Variants in R3HDM1 observed in about 807,000 individuals in gnomAD.
R3HDM1 encodes the protein R3H domain containing 1.
A neutral mutation model predicts 141.1 loss-of-function variants in R3HDM1; 46 were observed. The observed-to-expected ratio is 0.33, with a 90% CI of 0.26 to 0.42. The LOEUF (loss-of-function observed/expected upper bound fraction) is 0.42. Ranked by LOEUF, R3HDM1 falls within the 10% of genes least tolerant of loss-of-function variation. The probability of loss-of-function intolerance (pLI) is 1.00; values close to 1 mark genes in which losing one functional copy is unlikely to be tolerated. For synonymous variants in R3HDM1, 435 were observed against 472.9 expected, an observed-to-expected ratio of 0.92 and a Z score of 1.04; for missense variants, 1,184 against 1,368.3, an observed-to-expected ratio of 0.87 and a Z score of 2.12.
chr2:135,545,813 T>G (rs1244610068), intron 1 of R3HDM1, among the ~76,000 whole-genome samples: 2 of 152,212 alleles, frequency 1.3e-5, no homozygotes, highest in East Asian at 3.8e-4. Flanking sequence ...ATTTCCTGTC[T>G]TCTTAGTGTT....
At chr2:135,616,988 G>C (rs566454941) in intron 5 of R3HDM1, among the ~76,000 whole-genome samples, 2 of 152,228 alleles carry the variant, frequency 1.3e-5, no homozygotes, top group South Asian at 4.1e-4. Context: ...TAATTAATTA[G>C]GAATGTGGCT....
intron 1 of R3HDM1, among the ~76,000 whole-genome samples, chr2:135,589,006 T>C (rs1332449688): frequency 1.3e-5 from 2 of 152,166 alleles, no homozygotes; most frequent in African/African-American, 4.8e-5. Flanking sequence ...TTCCTCAAGA[T>C]TTTGTATTTT....
chr2:135,536,644 T>C (rs1489606942), intron 1 of R3HDM1: 1 of 919,218 alleles, frequency 1.1e-6, no homozygotes, highest in African/African-American at 1.8e-5. Flanking sequence ...AAATAGTGAA[T>C]TTGACTTGTC....
intron 1 of R3HDM1, among the ~76,000 whole-genome samples, chr2:135,599,337 G>A (rs1365869636): frequency 2.6e-5 from 4 of 151,956 alleles, no homozygotes; most frequent in African/African-American, 7.3e-5. Flanking sequence ...ATCTCTCTTA[G>A]GTTGACAAAG....
At chr2:135,665,678 A>C (rs2067384068) in intron 19 of R3HDM1, among the ~76,000 whole-genome samples, 1 of 152,174 alleles carries the variant, frequency 6.6e-6, no homozygotes, top group South Asian at 2.1e-4. Context: ...GCTATTGCTT[A>C]TTTCTTTTCC....
At chr2:135,680,060 A>G in intron 20 of R3HDM1, 113 bp from the exon 21 acceptor site, 2 of 1,127,732 alleles carry the variant, frequency 1.8e-6, no homozygotes, top group Middle Eastern at 2.2e-4. Context: ...AGCCTGGGCA[A>G]CAGAGCAAGA....
intron 3 of R3HDM1, chr2:135,605,982 C>G (rs1168436552): frequency 6.6e-6 from 1 of 151,002 alleles, no homozygotes; most frequent in Non-Finnish European, 1.5e-5. Flanking sequence ...TCGCACCTGG[C>G]CCACAATTTT....
intron 16 of R3HDM1, among the ~76,000 whole-genome samples, chr2:135,645,958 GA>G (rs1294214575): frequency 2.0e-5 from 3 of 152,066 alleles, no homozygotes; most frequent in African/African-American, 4.8e-5. Flanking sequence ...CCTACCCTAT[GA>G]AAGACAAAGC....
At chr2:135,643,559 C>T (rs2064037062) in intron 15 of R3HDM1, among the ~76,000 whole-genome samples, 1 of 151,990 alleles carries the variant, frequency 6.6e-6, no homozygotes, top group African/African-American at 2.4e-5. Flanking sequence ...TATGTAGTCC[C>T]TTCTTGTTTC....
chr2:135,595,046 AT>A (rs1332622855), intron 1 of R3HDM1, among the ~76,000 whole-genome samples: 1 of 150,702 alleles, frequency 6.6e-6, no homozygotes, highest in African/African-American at 2.4e-5. Context: ...ACTTCAATCT[AT>A]ATAGTGATTC....
intron 18 of R3HDM1, among the ~76,000 whole-genome samples, chr2:135,654,490 C>A (rs949254685): frequency 2.6e-5 from 4 of 151,130 alleles, no homozygotes; most frequent in Admixed American, 6.6e-5. Context: ...TCTTTGTTGC[C>A]CAGGCTGGAA....
At chr2:135,594,032 T>G (rs561272513) in intron 1 of R3HDM1, among the ~76,000 whole-genome samples, 60 of 152,314 alleles carry the variant, frequency 3.9e-4, no homozygotes, top group African/African-American at 1.4e-3. Context: ...CTCTAGAATT[T>G]TCTATGTACC....
intron 3 of R3HDM1, chr2:135,608,065 C>T: frequency 1.2e-6 from 1 of 851,930 alleles, no homozygotes; most frequent in Non-Finnish European, 1.4e-6. Context: ...TCTGTAATCC[C>T]AGCACTTTGG....
rs553510609 is a variant in R3HDM1 at position 135,625,278 on chromosome 2, C to T, written c.497+2546C>T. 9.2e-5 allele frequency among the ~76,000 whole-genome samples: 14 copies of T among 152,148 alleles called. No homozygotes were observed. In the South Asian group the frequency reaches 2.3e-3, roughly 25 times the overall value. ...CAGCCTGACTAACATGGTGAAACCC[C>T]GTCTCTACTAAAAATACAAAAATTA... On this transcript the variant is annotated intron_variant, in intron 7 of 26. Coordinates refer to ENST00000683871, the MANE Select transcript of R3HDM1 (RefSeq NM_001378107.1).
At chr2:135,575,183 C>CA (rs111356904) in intron 1 of R3HDM1, among the ~76,000 whole-genome samples, 154 of 152,190 alleles carry the variant, frequency 1.0e-3, no homozygotes, top group South Asian at 5.8e-3. Flanking sequence ...TTCCAAAATG[C>CA]AAAAAAATTC....
chr2:135,543,068 T>G (rs1573592400), intron 1 of R3HDM1: 1 of 982,240 alleles, frequency 1.0e-6, no homozygotes, highest in Non-Finnish European at 1.2e-6. Flanking sequence ...GAATGGAATG[T>G]GAGGAGATCA....
intron 1 of R3HDM1, chr2:135,533,909 T>G: frequency 1.3e-6 from 1 of 794,160 alleles, no homozygotes; most frequent in Non-Finnish European, 1.5e-6. Flanking sequence ...AGGTAAAGTA[T>G]GTAAATCCCC....
intron 17 of R3HDM1, chr2:135,650,910 T>C (rs1012936997): frequency 1.3e-4 from 130 of 985,326 alleles, no homozygotes; most frequent in Non-Finnish European, 1.5e-4. Context: ...ATGTGGTATA[T>C]TTTATTGCCA....
chr2:135,628,651 A>G (rs2062300239), intron 7 of R3HDM1, among the ~76,000 whole-genome samples: 1 of 152,062 alleles, frequency 6.6e-6, no homozygotes, highest in Non-Finnish European at 1.5e-5. Context: ...TTTGAGACGG[A>G]GTTTCACTCT....
Sources: gnomAD v4.1 joint callset for allele counts (sites outside exome capture counted in the v4.1 genomes callset) on GRCh38, gnomAD v4.1.1 for gene constraint, MANE v1.5 for transcripts, NCBI Gene and HGNC (gene_info 2026-07-23, HGNC 2026-07-21) for gene names.